EPHB6: variants seen among roughly 807,000 people sequenced by gnomAD.
EPHB6 encodes EPH receptor B6, also known as ephrin type-B receptor 6.
EPHB6 carries 51 observed loss-of-function variants against 107.0 expected under a neutral mutation model. The observed-to-expected ratio is 0.48, with a 90% CI of 0.38 to 0.60. The LOEUF (loss-of-function observed/expected upper bound fraction) is 0.60. Ranked by LOEUF, EPHB6 falls within the 20% of genes least tolerant of loss-of-function variation. EPHB6 has a pLI of 0.00. For synonymous variants in EPHB6, 553 were observed against 549.0 expected (o/e 1.01, Z -0.10); for missense variants, 1,141 against 1,355.5 (o/e 0.84, Z 2.48).
chr7:142,869,686 A>G lies in EPHB6; in HGVS notation c.2461-131A>G, dbSNP rs956831830. 9.4e-7 allele frequency: 1 copy of G among 1,066,142 alleles called. No individual in the cohort carries two copies. The highest frequency in any genetic ancestry group is 2.0e-5 in the Admixed American group (1 of 50,126). 66.0% of individuals were successfully genotyped at this position (1,066,142 alleles called of 1,614,324 possible). A position where few individuals can be genotyped will look rare whatever the true frequency, so the allele number is the denominator to read the frequency against. On this transcript the variant is annotated intron_variant, in intron 16 of 19. Transcript: ENST00000652003. The surrounding 1 kb of genome is among the most constrained non-coding windows in gnomAD (Gnocchi z 4.5). The stretch of plus-strand genomic sequence containing the variant: ...AAATGGAGATGATATCATCCACCTT[A>G]GAGGGTTGTTATGAGGATTAAATGA...
intron 1 of EPHB6, among the ~76,000 whole-genome samples, chr7:142,860,042 T>C (rs185446385): frequency 3.5e-4 from 54 of 152,360 alleles, no homozygotes; most frequent in Non-Finnish European, 6.8e-4. Flanking sequence ...TTGCTATTCA[T>C]CTTCCAGAGT....
rs2116423287 is a variant in EPHB6 at position 142,864,426 on chromosome 7, G to A, written c.626G>A (p.Gly209Asp). Residue 209 changes from glycine to aspartate, a missense_variant, in exon 7 of 20, where the codon GGC becomes GAC. Gly to Asp is a moderately conservative substitution (Grantham distance 94). Coordinates refer to ENST00000652003, the MANE Select transcript of EPHB6 (RefSeq NM_004445.6). ...AGCTTTGGGCCTCTCACCCAACGCG[G>A]CTTCTACGTGGCCTTCCAGGACACG... is the stretch of plus-strand genomic sequence containing the variant. ...ERSFGPLTQR[G>D]FYVAFQDTGA... 1 of 1,612,122 alleles carries A rather than the reference G, an allele frequency of 6.2e-7. No individual in the cohort carries two copies. Among genetic ancestry groups the A allele is most frequent in the Non-Finnish European group, 8.5e-7 (1 of 1,179,184 alleles).
rs1474951173 is a variant in EPHB6 at position 142,867,413 on chromosome 7, G to A, written c.1751-195G>A. On this transcript the variant is annotated intron_variant, in intron 11 of 19. Coordinates refer to ENST00000652003, the MANE Select transcript of EPHB6 (RefSeq NM_004445.6). The surrounding 1 kb of genome is among the most constrained non-coding windows in gnomAD (Gnocchi z 5.3). ...GGCTGTGGGGATGTGTGTGTGTGTT[G>A]TGTGTCCCTGTGTGTGGATGTGGGA... 3.0e-6 allele frequency: 2 copies of A among 660,910 alleles called. No individual in the cohort carries two copies. The highest frequency in any genetic ancestry group is 2.1e-5 in the Admixed American group (1 of 48,134). The allele number at this position is 660,910 out of a possible 1,614,324, so 40.9% of individuals were successfully genotyped here.
chr7:142,870,334 C>T lies in EPHB6; in HGVS notation c.2731C>T (p.Gln911Ter). The T allele has an allele frequency of 1.9e-6, 3 of 1,614,224 alleles. No homozygotes were observed. Among genetic ancestry groups the T allele is most frequent in the Non-Finnish European group, 1.7e-6 (2 of 1,180,044 alleles). ...KDRARRPHFD[Q>*]LVAAFDKMIR... ...CCGTGCCCGGCGGCCTCATTTTGACCAGCTGGTGGCTGCATTTGACAAGAT... is the reference window on the plus strand; with the variant it reads ...CCGTGCCCGGCGGCCTCATTTTGACTAGCTGGTGGCTGCATTTGACAAGAT... The change falls in exon 18 of 20, where the codon CAG (glutamine) becomes TAG (stop). Residue 911 changes from glutamine (Q) to a stop codon, truncating the protein, a stop_gained. Transcript: ENST00000652003. LOFTEE classifies it high-confidence loss of function.
In EPHB6 at chr7:142,864,319, CTCT is replaced by C. The variant is rs1803020623; in HGVS notation, c.525_527del (p.Ser177del). On this transcript the variant is annotated inframe_deletion, in exon 7 of 20. Transcript: ENST00000652003. Reference sequence around the variant, plus strand: ...CCTCCTCCTCCTCCTCCTCCTCCTCCTCTTCTTCCTCTGCAGCGTGGGCTGTGG... The same window carrying C: ...CCTCCTCCTCCTCCTCCTCCTCCTCCTCTTCCTCTGCAGCGTGGGCTGTGG... 5.1e-6 allele frequency: 7 copies of C among 1,383,984 alleles called. No homozygotes were observed. Among genetic ancestry groups the C allele is most frequent in the Middle Eastern group, 1.9e-4 (1 of 5,342 alleles). The allele number at this position is 1,383,984 out of a possible 1,614,324, so 85.7% of individuals were successfully genotyped here. A position where few individuals can be genotyped will look rare whatever the true frequency, so the allele number is the denominator to read the frequency against.
At position 142,867,666 on chromosome 7, in the gene EPHB6, G is replaced by C. The variant is rs754663987; in HGVS notation, c.1809G>C (p.Gly603=). ...RLSLVIGSIL[G]ALAFLLLAAI... is the part of the protein sequence containing the mutation. ...CCTTGGTGATCGGCTCCATCCTGGG[G>C]GCTTTGGCCTTCCTCCTGCTGGCAG... Residue 603 remains glycine (G), a synonymous_variant, in exon 12 of 20, where the codon GGG becomes GGC. Coordinates refer to ENST00000652003, the MANE Select transcript of EPHB6 (RefSeq NM_004445.6). The surrounding 1 kb of genome is among the most constrained non-coding windows in gnomAD (Gnocchi z 5.3). 6.2e-7 allele frequency: 1 copy of C among 1,613,504 alleles called. No homozygotes were observed. Among genetic ancestry groups the C allele is most frequent in the African/African-American group, 1.3e-5 (1 of 74,908 alleles).
chr7:142,864,406 T>G lies in EPHB6; in HGVS notation c.606T>G (p.Phe202Leu). Residue 202 changes from phenylalanine (F) to leucine (L), a missense_variant, in exon 7 of 20, where the codon TTT becomes TTG. Around this residue, in one of 3 missense-constraint regions of EPHB6, gnomAD observed 221 missense variants for 300.5 expected, o/e 0.74. Coordinates refer to ENST00000652003, the MANE Select transcript of EPHB6 (RefSeq NM_004445.6). ...GLQLNVKERS[F>L]GPLTQRGFYV... is the part of the protein sequence containing the mutation. ...AACTGAACGTCAAAGAGCGGAGCTT[T>G]GGGCCTCTCACCCAACGCGGCTTCT... The G allele has an allele frequency of 1.2e-6, 2 of 1,612,654 alleles. No homozygotes were observed. The highest frequency in any genetic ancestry group is 4.5e-5 in the East Asian group (2 of 44,866).
chr7:142,860,769 G>A (rs753796572), intron 1 of EPHB6, among the ~76,000 whole-genome samples: 5 of 152,282 alleles, frequency 3.3e-5, no homozygotes, highest in Middle Eastern at 3.4e-3. Context: ...ATCAGCCCAC[G>A]CGTATGTAGA....
Position 142,868,446 on chromosome 7 carries a change from C to G in EPHB6, c.2039-46C>G. 6.2e-7 allele frequency: 1 copy of G among 1,614,122 alleles called. No homozygotes were observed. Among genetic ancestry groups the G allele is most frequent in the Non-Finnish European group, 8.5e-7 (1 of 1,180,022 alleles). On this transcript the variant is annotated intron_variant, in intron 14 of 19. Coordinates refer to ENST00000652003, the MANE Select transcript of EPHB6 (RefSeq NM_004445.6). This position sits in a 1 kb window ranked among gnomAD's most constrained non-coding sequence, Gnocchi z 4.2. ...AGAGTCCCATCCAAACACAGCAGGA[C>G]GCTGTGAGCCTTGATCCCCACCCCA...
intron 8 of EPHB6, 61 bp from the exon 9 acceptor site, chr7:142,865,899 C>G: frequency 6.4e-7 from 1 of 1,558,454 alleles, no homozygotes; most frequent in Non-Finnish European, 8.8e-7. Context: ...TCCTTCCTTC[C>G]TCAATCACCC....
In EPHB6 at chr7:142,866,614, G is replaced by A; in HGVS notation, c.1587+9G>A. The A allele has an allele frequency of 6.2e-7, 1 of 1,613,972 alleles. No homozygotes were observed. Among genetic ancestry groups the A allele is most frequent in the Non-Finnish European group, 8.5e-7 (1 of 1,180,022 alleles). On this transcript the variant is annotated intron_variant, in intron 10 of 19. Coordinates refer to ENST00000652003, the MANE Select transcript of EPHB6 (RefSeq NM_004445.6). This position sits in a 1 kb window ranked among gnomAD's most constrained non-coding sequence, Gnocchi z 5.2. Reference sequence around the variant, plus strand: ...TCCGCTACTATGACCAGGTGCGCAGGAGGAGTGGGGGTTCCGCAGTAGGGC... The same window carrying A: ...TCCGCTACTATGACCAGGTGCGCAGAAGGAGTGGGGGTTCCGCAGTAGGGC...
Position 142,868,774 on chromosome 7 carries a change from G to A in EPHB6, c.2286+35G>A, listed in dbSNP as rs2116474087. 6.2e-7 allele frequency: 1 copy of A among 1,613,526 alleles called. No homozygotes were observed. Among genetic ancestry groups the A allele is most frequent in the Non-Finnish European group, 8.5e-7 (1 of 1,179,986 alleles). On this transcript the variant is annotated intron_variant, in intron 15 of 19. Coordinates refer to ENST00000652003, the MANE Select transcript of EPHB6 (RefSeq NM_004445.6). The surrounding 1 kb of genome is among the most constrained non-coding windows in gnomAD (Gnocchi z 4.2). The stretch of plus-strand genomic sequence containing the variant: ...GCCTGGGTGAAGGAGGAGGGTCCTT[G>A]GGTCCAGGAAAGCTTCCAGGAGACG...
In EPHB6 at chr7:142,869,318, G is replaced by T. The variant is rs1017905037; in HGVS notation, c.2460+171G>T. 2.0e-5 allele frequency among the ~76,000 whole-genome samples: 3 copies of T among 152,156 alleles called. No individual in the cohort carries two copies. The highest frequency in any genetic ancestry group is 7.2e-5 in the African/African-American group (3 of 41,438). ...GGGGAGATGAAAGCCTAGGCGACGG[G>T]GTTTGAGGGATTTCAGGGACCGAGA... On this transcript the variant is annotated intron_variant, in intron 16 of 19. Coordinates refer to ENST00000652003, the MANE Select transcript of EPHB6 (RefSeq NM_004445.6). The surrounding 1 kb of genome is among the most constrained non-coding windows in gnomAD (Gnocchi z 4.5).
Position 142,861,145 on chromosome 7 carries a change from A to G in EPHB6, c.-338A>G, listed in dbSNP as rs542153045. The stretch of plus-strand genomic sequence containing the variant: ...CCGCCAATCTCTAAATCAACAAGCA[A>G]AGGAGGTGCCAAGCCTGTTTGTCTT... On this transcript the variant is annotated 5_prime_UTR_variant, in exon 2 of 20. Transcript: ENST00000652003. 2.0e-5 allele frequency: 3 copies of G among 152,260 alleles called. No individual in the cohort carries two copies. The South Asian group carries it at 6.2e-4, about 32-fold the overall frequency. The allele number at this position is 152,260 out of a possible 1,614,324, so 9.4% of individuals were successfully genotyped here. A position where few individuals can be genotyped will look rare whatever the true frequency, so the allele number is the denominator to read the frequency against.
rs549001140 is a variant in EPHB6 at position 142,869,247 on chromosome 7, C to A, written c.2460+100C>A. The A allele has an allele frequency of 5.9e-6, 8 of 1,364,488 alleles. No individual in the cohort carries two copies. The African/African-American group carries it at 1.1e-4, about 19-fold the overall frequency. The allele number at this position is 1,364,488 out of a possible 1,614,324, so 84.5% of individuals were successfully genotyped here. ...CTGGAATCTGGGGTAGGTACCTCAG[C>A]CGGGGTGTCATAGTCCCTGAAAGGA... On this transcript the variant is annotated intron_variant, in intron 16 of 19. Coordinates refer to ENST00000652003, the MANE Select transcript of EPHB6 (RefSeq NM_004445.6). The surrounding 1 kb of genome is among the most constrained non-coding windows in gnomAD (Gnocchi z 4.5).
rs553870627 is a variant in EPHB6 at position 142,867,802 on chromosome 7, C to A, written c.1865+80C>A. 303 of 1,466,292 alleles carry A rather than the reference C, an allele frequency of 2.1e-4. No homozygotes were observed. The highest frequency in any genetic ancestry group is 2.6e-4 in the Non-Finnish European group (280 of 1,073,340). The allele number at this position is 1,466,292 out of a possible 1,614,324, so 90.8% of individuals were successfully genotyped here. On this transcript the variant is annotated intron_variant, in intron 12 of 19. Coordinates refer to ENST00000652003, the MANE Select transcript of EPHB6 (RefSeq NM_004445.6). This position sits in a 1 kb window ranked among gnomAD's most constrained non-coding sequence, Gnocchi z 5.3. The stretch of plus-strand genomic sequence containing the variant: ...CCTCAAGTCCTGCCAAGTCTGGAGC[C>A]CCCTGCAGAAACCTCACACTGGTGC...
Position 142,869,053 on chromosome 7 carries a change from G to A in EPHB6, c.2366G>A (p.Ser789Asn). 2.5e-6 allele frequency: 4 copies of A among 1,613,428 alleles called. No homozygotes were observed. In the Admixed American group the frequency reaches 5.0e-5, roughly 20 times the overall value. The part of the protein sequence containing the change: ...GVAAAMQYLS[S>N]FAFVHRSLSA... ...GCTGCTGCCATGCAGTACCTGTCCA[G>A]CTTTGCCTTCGTCCATCGCTCGCTG... is the stretch of plus-strand genomic sequence containing the variant. Residue 789 changes from serine to asparagine, a missense_variant, in exon 16 of 20, where the codon AGC (serine) becomes AAC (asparagine). Ser to Asn is a conservative substitution (Grantham distance 46). Around this residue, in one of 3 missense-constraint regions of EPHB6, gnomAD observed 616 missense variants for 759.3 expected, o/e 0.81. Transcript: ENST00000652003. The surrounding 1 kb of genome is among the most constrained non-coding windows in gnomAD (Gnocchi z 4.5).
chr7:142,862,981 C>T, intron 4 of EPHB6, 146 bp from the exon 5 acceptor site: 1 of 557,370 alleles, frequency 1.8e-6, no homozygotes, highest in Non-Finnish European at 3.2e-6. Context: ...AGTATGCAAC[C>T]TGGCTTCTGT....
rs1432070043 is a variant in EPHB6 at position 142,867,353 on chromosome 7, G to A, written c.1751-255G>A. On this transcript the variant is annotated intron_variant, in intron 11 of 19. Coordinates refer to ENST00000652003, the MANE Select transcript of EPHB6 (RefSeq NM_004445.6). This position sits in a 1 kb window ranked among gnomAD's most constrained non-coding sequence, Gnocchi z 5.3. ...GGATGTGGGAGGGCTGTGGGCGTGT[G>A]TGTGTGTTGTGTGTCCCTGTGTGTG... 2 of 633,548 alleles carry A rather than the reference G, an allele frequency of 3.2e-6. No homozygotes were observed. Among genetic ancestry groups the A allele is most frequent in the Non-Finnish European group, 5.7e-6 (2 of 351,278 alleles). 39.2% of individuals were successfully genotyped at this position (633,548 alleles called of 1,614,324 possible).
Sources: gnomAD v4.1 joint callset for allele counts (sites outside exome capture counted in the v4.1 genomes callset) on GRCh38, gnomAD v4.1.1 for gene constraint, gnomAD v4.1.1 regional missense constraint, Gnocchi (gnomAD v3.1) non-coding constraint, MANE v1.5 for transcripts, NCBI Gene and HGNC (gene_info 2026-07-23, HGNC 2026-07-21) for gene names.